Variants in CSF2RB observed in about 807,000 individuals in gnomAD.
CSF2RB encodes cytokine receptor common subunit beta.
CSF2RB carries 22 observed loss-of-function variants against 67.2 expected under a neutral mutation model. The ratio of observed to expected loss-of-function variants is 0.33; its 90% CI spans 0.23 to 0.47. The LOEUF (loss-of-function observed/expected upper bound fraction) is 0.47, where lower values mean the gene tolerates loss of function less well. CSF2RB is among the 20% of genes least tolerant of loss of function. The probability of loss-of-function intolerance (pLI) is 1.00; values close to 1 mark genes in which losing one functional copy is unlikely to be tolerated. For synonymous variants in CSF2RB, 507 were observed against 482.9 expected (o/e 1.05, Z -0.65); for missense variants, 1,113 against 1,174.5 (o/e 0.95, Z 0.76).
Position 36,938,093 on chromosome 22 carries a change from G to A in CSF2RB, c.2285G>A (p.Gly762Glu), listed in dbSNP as rs772423226. The A allele has an allele frequency of 1.9e-6, 3 of 1,614,064 alleles. No homozygotes were observed. The highest frequency in any genetic ancestry group is 2.5e-6 in the Non-Finnish European group (3 of 1,179,986). ...GGAGCCCCAGGCCCTGTGAAGTCAG[G>A]GTTTGAGGGCTATGTGGAGCTCCCT... ...PPGAPGPVKS[G>E]FEGYVELPPI... Residue 762 changes from glycine (G) to glutamate (E), a missense_variant, in exon 14 of 14, where the codon GGG (glycine) becomes GAG (glutamate). By Grantham distance (98) the Gly-to-Glu change is moderately conservative. Transcript: ENST00000403662.
rs1484336746 is a variant in CSF2RB, at chr22:36,916,267, T to C, written c.-173+2590T>C. On this transcript the variant is annotated intron_variant, in intron 1 of 13. Transcript: ENST00000403662. ...ATTACAGAAAGAGTTTTAATAATTT[T>C]ACTATTTTGGTTTTGACTTTGAGAT... Among the ~76,000 whole-genome samples the C allele has an allele frequency of 3.3e-5, 5 of 152,366 alleles. No individual in the cohort carries two copies. The East Asian group carries it at 9.6e-4, about 29-fold the overall frequency.
chr22:36,923,602 A>G (rs931201278), intron 3 of CSF2RB, among the ~76,000 whole-genome samples: 6 of 152,224 alleles, frequency 3.9e-5, no homozygotes, highest in Non-Finnish European at 8.8e-5. Flanking sequence ...GATGTTGGTG[A>G]CAATGGTGGT....
rs998285465 is a variant in CSF2RB at position 36,939,534 on chromosome 22, C to T, written c.*1032C>T. Reference sequence around the variant, plus strand: ...ATGGTTCTTTTAAATCTTTGCCTTTCAGATACAGGAAAAATAATGGCATTA... The same window carrying T: ...ATGGTTCTTTTAAATCTTTGCCTTTTAGATACAGGAAAAATAATGGCATTA... On this transcript the variant is annotated 3_prime_UTR_variant, in exon 14 of 14. Transcript: ENST00000403662. 1 of 333,040 alleles carries T rather than the reference C, an allele frequency of 3.0e-6. No individual in the cohort carries two copies. Among genetic ancestry groups the T allele is most frequent in the African/African-American group, 2.1e-5 (1 of 48,780 alleles). The allele number at this position is 333,040 out of a possible 1,614,324, so 20.6% of individuals were successfully genotyped here. A position where few individuals can be genotyped will look rare whatever the true frequency, so the allele number is the denominator to read the frequency against.
At chr22:36,936,517 G>A in intron 12 of CSF2RB, 32 bp from the exon 13 acceptor site, 1 of 1,608,560 alleles carries the variant, frequency 6.2e-7, no homozygotes, top group East Asian at 2.2e-5. Context: ...ACCTCCTGAT[G>A]CTCACCGGCC....
Position 36,932,641 on chromosome 22 carries a change from A to G in CSF2RB, c.1013-124A>G, listed in dbSNP as rs150606145. 561 of 1,155,908 alleles carry G rather than the reference A, an allele frequency of 4.9e-4. No homozygotes were observed. The African/African-American group carries it at 7.1e-3, about 15-fold the overall frequency. The allele number at this position is 1,155,908 out of a possible 1,614,324, so 71.6% of individuals were successfully genotyped here. A position where few individuals can be genotyped will look rare whatever the true frequency, so the allele number is the denominator to read the frequency against. On this transcript the variant is annotated intron_variant, in intron 8 of 13. Transcript: ENST00000403662. ...AGTGAAGTGGGGATGAAAAGGATCC[A>G]ACCATGGGCAGAACCTGGGGTCTGG...
In CSF2RB at chr22:36,937,803, T is replaced by A; in HGVS notation, c.1995T>A (p.Ser665Arg). The A allele has an allele frequency of 6.3e-7, 1 of 1,595,184 alleles. No individual in the cohort carries two copies. The highest frequency in any genetic ancestry group is 8.5e-7 in the Non-Finnish European group (1 of 1,171,586). Residue 665 changes from serine (S) to arginine (R), a missense_variant, in exon 14 of 14, where the codon AGT (serine) becomes AGA (arginine). Around this residue, in one of 2 missense-constraint regions of CSF2RB, gnomAD observed 554 missense variants for 517.9 expected, o/e 1.07. Coordinates refer to ENST00000403662, the MANE Select transcript of CSF2RB (RefSeq NM_000395.3). This position sits in a 1 kb window ranked among gnomAD's most constrained non-coding sequence, Gnocchi z 4.6. ...ERRPSQGAAG[S>R]PSLESGGGPA... ...GGCCGAGCCAGGGGGCTGCAGGGAG[T>A]CCCTCCCTGGAGTCCGGGGGAGGCC...
chr22:36,921,768 C>A (rs1940876702), intron 1 of CSF2RB, among the ~76,000 whole-genome samples: 1 of 152,168 alleles, frequency 6.6e-6, no homozygotes, highest in East Asian at 1.9e-4. Flanking sequence ...GGACCAGCAG[C>A]CCACGGGGAG....
chr22:36,930,624 T>A, intron 7 of CSF2RB, 49 bp from the exon 8 acceptor site: 1 of 1,611,342 alleles, frequency 6.2e-7, no homozygotes, highest in South Asian at 1.1e-5. Context: ...CTCTCCTCCC[T>A]CCCGTGTGCC....
chr22:36,915,625 G>A (rs1940701173), intron 1 of CSF2RB, among the ~76,000 whole-genome samples: 2 of 152,128 alleles, frequency 1.3e-5, no homozygotes. Context: ...CCACATCTGT[G>A]AAAGTGTTTC....
Position 36,937,911 on chromosome 22 carries a change from C to T in CSF2RB, c.2103C>T (p.Asp701=), listed in dbSNP as rs764493195. The change falls in exon 14 of 14, where the codon GAC becomes GAT. Residue 701 remains aspartate, a synonymous_variant. Transcript: ENST00000403662. The surrounding 1 kb of genome is among the most constrained non-coding windows in gnomAD (Gnocchi z 4.6). ...TGGCTATACCCATGAGCTCTGGGGA[C>T]ACTGAGGACCCTGGAGTGGCCTCTG... ...SPVAIPMSSG[D]TEDPGVASGY... 6.2e-7 allele frequency: 1 copy of T among 1,614,160 alleles called. No individual in the cohort carries two copies. Among genetic ancestry groups the T allele is most frequent in the Non-Finnish European group, 8.5e-7 (1 of 1,180,008 alleles).
chr22:36,935,583 C>T, intron 11 of CSF2RB, 47 bp from the exon 12 acceptor site: 1 of 1,612,804 alleles, frequency 6.2e-7, no homozygotes, highest in Non-Finnish European at 8.5e-7. Context: ...ATGGGAGCAG[C>T]TGGCCATGAG....
At chr22:36,915,595 C>T (rs1382438931) in intron 1 of CSF2RB, among the ~76,000 whole-genome samples, 1 of 152,062 alleles carries the variant, frequency 6.6e-6, no homozygotes, top group African/African-American at 2.4e-5. Flanking sequence ...TGATCGACAC[C>T]TAGATTGTTT....
chr22:36,914,529 CTGGG>C (rs1180986573), intron 1 of CSF2RB, among the ~76,000 whole-genome samples: 1 of 151,666 alleles, frequency 6.6e-6, no homozygotes, highest in African/African-American at 2.4e-5. Context: ...AGTATGCTGG[CTGGG>C]TGGGTGGGTA....
rs1317574878 is a variant in CSF2RB, at chr22:36,923,382, G to A, written c.200+15G>A. 2 of 1,613,014 alleles carry A rather than the reference G, an allele frequency of 1.2e-6. No individual in the cohort carries two copies. Among genetic ancestry groups the A allele is most frequent in the Non-Finnish European group, 1.7e-6 (2 of 1,179,388 alleles). On this transcript the variant is annotated intron_variant, in intron 3 of 13. Coordinates refer to ENST00000403662, the MANE Select transcript of CSF2RB (RefSeq NM_000395.3). ...CGGGTGAATGAGTGAGTGATGCTGG[G>A]GGCAGGGGCCACGGGCAGGGGCTAC... is the stretch of plus-strand genomic sequence containing the variant.
chr22:36,928,401 G>A (rs373555116), intron 4 of CSF2RB, among the ~76,000 whole-genome samples: 24 of 152,260 alleles, frequency 1.6e-4, no homozygotes, highest in African/African-American at 5.5e-4. Context: ...GACCCATGAG[G>A]GACGCCTGTC....
In CSF2RB at chr22:36,937,515, C is replaced by T. The variant is rs1213527160; in HGVS notation, c.1707C>T (p.Pro569=). ...TACCCACAGAGCAGCCCCCCAGCCC[C>T]CAGCCAGGCCCGCCTGCCGCCTCCC... The part of the protein sequence containing the change: ...SDLPTEQPPS[P]QPGPPAASHT... Residue 569 remains proline (P), a synonymous_variant, in exon 14 of 14, where the codon CCC becomes CCT. Transcript: ENST00000403662. The surrounding 1 kb of genome is among the most constrained non-coding windows in gnomAD (Gnocchi z 4.6). 4.3e-6 allele frequency: 7 copies of T among 1,613,954 alleles called. No individual in the cohort carries two copies. The South Asian group carries it at 6.6e-5, about 15-fold the overall frequency.
chr22:36,940,329 A>T lies in CSF2RB; in HGVS notation c.*1827A>T, dbSNP rs1941357326. ...TTGTAAAGTAGAATCCTCTGTTCAT[A>T]ATGAACAAGATGAACCAATGTGGAT... On this transcript the variant is annotated 3_prime_UTR_variant, in exon 14 of 14. Transcript: ENST00000403662. 6.6e-6 allele frequency: 1 copy of T among 152,246 alleles called. No homozygotes were observed. Among genetic ancestry groups the T allele is most frequent in the Non-Finnish European group, 1.5e-5 (1 of 68,048 alleles). The allele number at this position is 152,246 out of a possible 1,614,324, so 9.4% of individuals were successfully genotyped here.
rs767079000 is a variant in CSF2RB, at chr22:36,930,614, C to T, written c.855-59C>T. On this transcript the variant is annotated intron_variant, in intron 7 of 13. Coordinates refer to ENST00000403662, the MANE Select transcript of CSF2RB (RefSeq NM_000395.3). Reference sequence around the variant, plus strand: ...AGCAGAAGCCACAGCCCACCCTAAGCTCTCCTCCCTCCCGTGTGCCCTCCC... The same window carrying T: ...AGCAGAAGCCACAGCCCACCCTAAGTTCTCCTCCCTCCCGTGTGCCCTCCC... 3.1e-6 allele frequency: 5 copies of T among 1,611,334 alleles called. No homozygotes were observed. In the African/African-American group the frequency reaches 5.3e-5, roughly 17 times the overall value.
chr22:36,921,349 A>G (rs55703759), intron 1 of CSF2RB, among the ~76,000 whole-genome samples: 62,576 of 149,544 alleles, frequency 0.42, 16,787 homozygotes, highest in African/African-American at 0.77. Flanking sequence ...CTGTGTGTGC[A>G]TTTGTGTGTA....
Sources: allele counts gnomAD v4.1 joint callset (sites outside exome capture counted in the v4.1 genomes callset), GRCh38; gene constraint gnomAD v4.1.1; regional missense constraint gnomAD v4.1.1; non-coding constraint Gnocchi (gnomAD v3.1); transcripts MANE v1.5; gene names NCBI Gene and HGNC (gene_info 2026-07-23, HGNC 2026-07-21).